Variants in DDX5 observed in about 807,000 individuals in gnomAD.
DDX5 encodes DEAD-box helicase 5.
DDX5 carries 6 observed loss-of-function variants against 68.6 expected under a neutral mutation model. The ratio of observed to expected loss-of-function variants is 0.09; its 90% CI spans 0.05 to 0.17. The LOEUF is 0.17. DDX5 is among the 10% of genes least tolerant of loss of function. The pLI is 1.00. For missense variants in DDX5, 499 were observed against 756.1 expected, an observed-to-expected ratio of 0.66 and a Z score of 3.99; for synonymous variants, 350 against 247.0, an observed-to-expected ratio of 1.42 and a Z score of -3.91.
At chr17:64,503,724 C>A in intron 5 of DDX5, 79 bp downstream of exon 5, 2 of 1,550,224 alleles carry the variant, frequency 1.3e-6, no homozygotes, top group Non-Finnish European at 8.8e-7. Context: ...AAAACCACCA[C>A]AAATGATTAC....
In DDX5 at chr17:64,503,954, G is replaced by C. The variant is rs1555671600; in HGVS notation, c.441+29C>G. The C allele has an allele frequency of 3.1e-6, 5 of 1,613,924 alleles. No individual in the cohort carries two copies. The Admixed American group carries it at 5.0e-5, about 16-fold the overall frequency. On this transcript the variant is annotated intron_variant, in intron 4 of 12. Transcript: ENST00000225792. ...CCATTACATTTTCTTGCATATATCA[G>C]ATCAACTCAAGAGTTCTCCCAAACT...
intron 5 of DDX5, 67 bp from the exon 6 acceptor site, chr17:64,503,638 C>G (rs562187623): frequency 6.3e-7 from 1 of 1,585,826 alleles, no homozygotes; most frequent in African/African-American, 1.4e-5. Flanking sequence ...ACTTATTATA[C>G]TAGCAGATCC....
intron 2 of DDX5, 121 bp downstream of exon 2, chr17:64,504,556 T>G: frequency 2.4e-6 from 3 of 1,241,614 alleles, no homozygotes; most frequent in Non-Finnish European, 3.4e-6. Context: ...CTTTCCCAAT[T>G]ATGAAGTCAG....
chr17:64,504,396 T>G (rs1261726966), intron 2 of DDX5, 78 bp from the exon 3 acceptor site: 31 of 1,286,018 alleles, frequency 2.4e-5, no homozygotes, highest in Non-Finnish European at 3.3e-5. Flanking sequence ...AGCCCCTAAC[T>G]TCATAATTTA....
chr17:64,499,745 A>G lies in DDX5; in HGVS notation c.*178T>C. The G allele has an allele frequency of 1.9e-6, 1 of 528,050 alleles. No homozygotes were observed. The highest frequency in any genetic ancestry group is 3.1e-6 in the Non-Finnish European group (1 of 323,396). The allele number at this position is 528,050 out of a possible 1,614,324, so 32.7% of individuals were successfully genotyped here. A position where few individuals can be genotyped will look rare whatever the true frequency, so the allele number is the denominator to read the frequency against. ...TTTCTAGTACAAAAAAAACCTAAAA[A>G]TTGTTTCAGGAATGTAGAGAAATAT... On this transcript the variant is annotated 3_prime_UTR_variant, in exon 13 of 13. Transcript: ENST00000225792.
chr17:64,501,847 G>A (rs1295775947), intron 11 of DDX5, 163 bp downstream of exon 11: 5 of 664,164 alleles, frequency 7.5e-6, no homozygotes, highest in African/African-American at 3.6e-5. Context: ...CATCCCCCTC[G>A]AGTCCTCCGA....
chr17:64,504,075 G>A lies in DDX5; in HGVS notation c.349C>T (p.Pro117Ser). Residue 117 changes from proline to serine, a missense_variant, in exon 4 of 13, where the codon CCC becomes TCC. Physicochemically the swap from Pro to Ser is moderately conservative, Grantham distance 74 (BLOSUM62 -1). This residue lies in a region of DDX5 where 141 missense variants were observed against 279.8 expected (regional missense o/e 0.50). Coordinates refer to ENST00000225792, the MANE Select transcript of DDX5 (RefSeq NM_004396.5). ...CATCCCTGAGCTTGAATAGCAGTGG[G>A]TTCAGTGAAATTCTGTCTTGCAATA... ...DVIARQNFTE[P>S]TAIQAQGWPV... The A allele has an allele frequency of 6.2e-7, 1 of 1,614,054 alleles. No homozygotes were observed. The highest frequency in any genetic ancestry group is 8.5e-7 in the Non-Finnish European group (1 of 1,179,948).
At chr17:64,504,371 A>G (rs375345520) in intron 2 of DDX5, 53 bp from the exon 3 acceptor site, 316 of 1,450,834 alleles carry the variant, frequency 2.2e-4, no homozygotes, top group Admixed American at 5.7e-4. Flanking sequence ...CCCCTAGCTA[A>G]ATACGTAATT....
intron 2 of DDX5, 91 bp downstream of exon 2, chr17:64,504,586 A>AT (rs1174732495): frequency 7.0e-7 from 1 of 1,429,172 alleles, no homozygotes; most frequent in African/African-American, 1.4e-5. Flanking sequence ...CTCTACCAAA[A>AT]TTGAGTTATT....
chr17:64,504,042 C>A lies in DDX5; in HGVS notation c.382G>T (p.Ala128Ser). 1.2e-6 allele frequency: 2 copies of A among 1,614,238 alleles called. No individual in the cohort carries two copies. The highest frequency in any genetic ancestry group is 1.7e-6 in the Non-Finnish European group (2 of 1,180,032). The stretch of plus-strand genomic sequence containing the variant: ...CCAACCATATCCAATCCACTTAGAG[C>A]AACTGGCCATCCCTGAGCTTGAATA... Reference protein sequence around the residue: ...TAIQAQGWPVALSGLDMVGVA... With the variant: ...TAIQAQGWPVSLSGLDMVGVA... Residue 128 changes from alanine to serine, a missense_variant, in exon 4 of 13, where the codon GCT (alanine) becomes TCT (serine). Around this residue, in one of 5 missense-constraint regions of DDX5, gnomAD observed 141 missense variants for 279.8 expected, o/e 0.50. Transcript: ENST00000225792.
intron 1 of DDX5, 27 bp downstream of exon 1, chr17:64,506,049 G>A (rs1348491844): frequency 6.1e-6 from 6 of 987,040 alleles, no homozygotes; most frequent in African/African-American, 5.2e-5. Context: ...CACCCGCCAG[G>A]CCTGACAGCT....
In DDX5 at chr17:64,506,198, C is replaced by G. The variant is rs2038511151; in HGVS notation, c.-79G>C. The G allele has an allele frequency of 1.3e-6, 2 of 1,573,258 alleles. No homozygotes were observed. The highest frequency in any genetic ancestry group is 1.7e-6 in the Non-Finnish European group (2 of 1,159,438). On this transcript the variant is annotated 5_prime_UTR_variant, in exon 1 of 13. Coordinates refer to ENST00000225792, the MANE Select transcript of DDX5 (RefSeq NM_004396.5). ...AAGTCGCTGGAAATGGCCTCGATGA[C>G]GGCGAAGCCTTGCGGGGGCGGCAGC... is the stretch of plus-strand genomic sequence containing the variant.
chr17:64,505,642 T>A, intron 1 of DDX5: 1 of 1,245,618 alleles, frequency 8.0e-7, no homozygotes, highest in Non-Finnish European at 1.1e-6. Context: ...ACATGGCTGA[T>A]GCCGGCCGCC....
rs568238185 is a variant in DDX5, at chr17:64,506,257, G to A, written c.-138C>T. On this transcript the variant is annotated 5_prime_UTR_variant, in exon 1 of 13. Coordinates refer to ENST00000225792, the MANE Select transcript of DDX5 (RefSeq NM_004396.5). ...GACACCGATGACACCAGCCGAAGCTGCACTACTAGAGACCGGTAGAAATGA... is the reference window on the plus strand; with the variant it reads ...GACACCGATGACACCAGCCGAAGCTACACTACTAGAGACCGGTAGAAATGA... 315 of 1,545,904 alleles carry A rather than the reference G, an allele frequency of 2.0e-4. 1 individual carries two copies. In the South Asian group the frequency reaches 2.8e-3, roughly 14 times the overall value.
intron 1 of DDX5, 85 bp downstream of exon 1, chr17:64,505,991 C>G: frequency 1.2e-5 from 18 of 1,542,564 alleles, no homozygotes; most frequent in Non-Finnish European, 1.6e-5. Flanking sequence ...CAAGTCCAAG[C>G]CGCAAAGCCC....
intron 2 of DDX5, 70 bp downstream of exon 2, chr17:64,504,607 C>G (rs1420301728): frequency 2.7e-6 from 4 of 1,500,730 alleles, no homozygotes; most frequent in Admixed American, 4.5e-5. Flanking sequence ...TGCAAAACAC[C>G]TGTCAGAATT....
rs2038344761 is a variant in DDX5 at position 64,503,353 on chromosome 17, A to G, written c.650-5T>C. The G allele has an allele frequency of 6.2e-7, 1 of 1,614,060 alleles. No individual in the cohort carries two copies. The highest frequency in any genetic ancestry group is 1.3e-5 in the African/African-American group (1 of 74,932). On this transcript the variant is annotated splice_region_variant and splice_polypyrimidine_tract_variant and intron_variant, in intron 6 of 12. Transcript: ENST00000225792. ...TTGCAATACAGATTTCCACACCTTT[A>G]ATTAAATACGTAAGTGTAACTACAA... is the stretch of plus-strand genomic sequence containing the variant.
chr17:64,501,868 T>C, intron 11 of DDX5, 142 bp downstream of exon 11: 1 of 790,098 alleles, frequency 1.3e-6, no homozygotes, highest in Admixed American at 2.4e-5. Context: ...TTGTCATGCC[T>C]AGGCCTTGCC....
rs371852967 is a variant in DDX5, at chr17:64,505,355, G to A, written c.45-513C>T. On this transcript the variant is annotated intron_variant, in intron 1 of 12. Coordinates refer to ENST00000225792, the MANE Select transcript of DDX5 (RefSeq NM_004396.5). ...AACACTTCTGCTAGCAAACCCAGCT[G>A]GGGGAACGCCGCGGTAGAGCTCCGG... 3.4e-3 allele frequency: 1,446 copies of A among 422,818 alleles called. 21 individuals are homozygous for A. Among genetic ancestry groups the A allele is most frequent in the South Asian group, 0.027 (909 of 33,710 alleles). 26.2% of individuals were successfully genotyped at this position (422,818 alleles called of 1,614,324 possible). A position where few individuals can be genotyped will look rare whatever the true frequency, so the allele number is the denominator to read the frequency against.
Sources: gnomAD v4.1 joint callset for allele counts on GRCh38, gnomAD v4.1.1 for gene constraint, gnomAD v4.1.1 regional missense constraint, MANE v1.5 for transcripts, NCBI Gene and HGNC (gene_info 2026-07-23, HGNC 2026-07-21) for gene names.